AFAP1: variants seen among roughly 807,000 people sequenced by gnomAD.
AFAP1 encodes the protein actin filament-associated protein 1.
AFAP1 carries 75 observed loss-of-function variants against 93.9 expected under a neutral mutation model. The observed-to-expected ratio is 0.80, with a 90% CI of 0.66 to 0.97. AFAP1 has a LOEUF of 0.97. AFAP1 is among the 50% of genes least tolerant of loss of function. AFAP1 has a pLI of 0.00. For missense variants in AFAP1, 1,201 were observed against 1,050.8 expected (o/e 1.14, Z -1.98); for synonymous variants, 517 against 430.7 (o/e 1.20, Z -2.48).
intron 14 of AFAP1, 188 bp downstream of exon 14, chr4:7,778,574 A>G: frequency 1.6e-6 from 1 of 634,290 alleles, no homozygotes; most frequent in South Asian, 1.9e-5. Flanking sequence ...ATTTACAAGC[A>G]GTCAGAAAAG....
rs754933779 is a variant in AFAP1, at chr4:7,816,008, C to G, written c.904+10G>C. 1.2e-6 allele frequency: 2 copies of G among 1,606,180 alleles called. No homozygotes were observed. Among genetic ancestry groups the G allele is most frequent in the East Asian group, 2.2e-5 (1 of 44,828 alleles). ...AGTGTATATATGTTTTTGGCACAAGCAGAACTCACCTTGCTCCTTTCCATT... is the reference window on the plus strand; with the variant it reads ...AGTGTATATATGTTTTTGGCACAAGGAGAACTCACCTTGCTCCTTTCCATT... On this transcript the variant is annotated intron_variant, in intron 8 of 17. Transcript: ENST00000420658.
intron 6 of AFAP1, among the ~76,000 whole-genome samples, chr4:7,833,738 G>A (rs1711914208): frequency 6.6e-6 from 1 of 151,920 alleles, no homozygotes; most frequent in Non-Finnish European, 1.5e-5. Context: ...ACAGGCACGT[G>A]CCACCATGCC....
intron 7 of AFAP1, among the ~76,000 whole-genome samples, chr4:7,818,601 C>G (rs1258041007): frequency 6.6e-6 from 1 of 151,958 alleles, no homozygotes; most frequent in East Asian, 1.9e-4. Context: ...ACATTTCTGG[C>G]AAAAAGGGGT....
chr4:7,901,722 G>T (rs1179167541), intron 1 of AFAP1, among the ~76,000 whole-genome samples: 6 of 152,214 alleles, frequency 3.9e-5, no homozygotes, highest in African/African-American at 1.4e-4. Context: ...GTGGACAGGG[G>T]GCTGAACTGG....
rs545248094 is a variant in AFAP1, at chr4:7,792,166, C to T, written c.1412+1515G>A. Among the ~76,000 whole-genome samples the T allele has an allele frequency of 4.2e-4, 64 of 152,244 alleles. No individual in the cohort carries two copies. The South Asian group carries it at 0.012, about 30-fold the overall frequency. ...TTTCTGAGCTGTAGTGACACTTCTT[C>T]GGGACTACACCAAAACGCAGCAAGT... On this transcript the variant is annotated intron_variant, in intron 11 of 17. Transcript: ENST00000420658.
chr4:7,894,375 T>A (rs1204482426), intron 1 of AFAP1, among the ~76,000 whole-genome samples: 2 of 152,190 alleles, frequency 1.3e-5, no homozygotes, highest in African/African-American at 4.8e-5. Context: ...GTTCTGGGTC[T>A]TTAGGGGACA....
At chr4:7,768,431 G>GT (rs1274133784) in intron 17 of AFAP1, among the ~76,000 whole-genome samples, 1 of 152,172 alleles carries the variant, frequency 6.6e-6, no homozygotes, top group Admixed American at 6.5e-5. Flanking sequence ...AAGGGGCTGG[G>GT]GGAAAGCTTA....
At chr4:7,936,608 G>C (rs1721398337) in intron 1 of AFAP1, among the ~76,000 whole-genome samples, 1 of 146,808 alleles carries the variant, frequency 6.8e-6, no homozygotes, top group African/African-American at 2.5e-5. Context: ...TTGAGATGGA[G>C]TCTCACTCTG....
At chr4:7,853,213 G>A (rs1714661235) in intron 4 of AFAP1, among the ~76,000 whole-genome samples, 3 of 150,584 alleles carry the variant, frequency 2.0e-5, no homozygotes, top group African/African-American at 7.4e-5. Flanking sequence ...ATAGGGCAGA[G>A]GGGAGCAGTG....
At chr4:7,773,124 C>T in intron 15 of AFAP1, 114 bp from the exon 16 acceptor site, 2 of 1,444,034 alleles carry the variant, frequency 1.4e-6, no homozygotes, top group Non-Finnish European at 1.8e-6. Flanking sequence ...GTCGAGCTCC[C>T]CTGACTTAGG....
At chr4:7,771,572 C>T (rs189437329) in intron 16 of AFAP1, among the ~76,000 whole-genome samples, 100 of 152,266 alleles carry the variant, frequency 6.6e-4, no homozygotes, top group African/African-American at 2.3e-3. Context: ...TGAACACAGG[C>T]GCTTCGGTGG....
At chr4:7,882,381 G>C (rs1323841834) in intron 1 of AFAP1, among the ~76,000 whole-genome samples, 2 of 143,068 alleles carry the variant, frequency 1.4e-5, no homozygotes, top group South Asian at 2.2e-4. Flanking sequence ...AAAATACACA[G>C]AACATAACCA....
At chr4:7,857,537 C>T (rs939514933) in intron 3 of AFAP1, among the ~76,000 whole-genome samples, 6 of 152,114 alleles carry the variant, frequency 3.9e-5, no homozygotes, top group African/African-American at 1.2e-4. Flanking sequence ...CTTAGTGTGG[C>T]GTTAGGCTGG....
intron 14 of AFAP1, chr4:7,778,551 G>A: frequency 3.3e-6 from 2 of 611,848 alleles, no homozygotes; most frequent in Non-Finnish European, 5.8e-6. Context: ...TGGCAAACCA[G>A]TTCTGGGCTT....
At chr4:7,815,920 C>T (rs1720427207) in intron 8 of AFAP1, 98 bp downstream of exon 8, 1 of 1,074,978 alleles carries the variant, frequency 9.3e-7, no homozygotes, top group Non-Finnish European at 1.3e-6. Flanking sequence ...TCACCCAGGA[C>T]ATTTTTCGTA....
intron 1 of AFAP1, among the ~76,000 whole-genome samples, chr4:7,933,129 G>T (rs1036958658): frequency 3.3e-5 from 5 of 151,888 alleles, no homozygotes; most frequent in African/African-American, 1.2e-4. Context: ...CCAGGCTGCT[G>T]TAGTAAGTGG....
chr4:7,839,117 T>C (rs932356820), intron 5 of AFAP1, among the ~76,000 whole-genome samples: 4 of 152,308 alleles, frequency 2.6e-5, no homozygotes, highest in Non-Finnish European at 5.9e-5. Context: ...GGTGGATCAC[T>C]TGAGCCCAGG....
chr4:7,763,235 C>G lies in AFAP1; in HGVS notation c.*530G>C, dbSNP rs1714063982. 2 of 153,206 alleles carry G rather than the reference C, an allele frequency of 1.3e-5. No homozygotes were observed. The highest frequency in any genetic ancestry group is 4.8e-5 in the African/African-American group (2 of 41,456). The allele number at this position is 153,206 out of a possible 1,614,324, so 9.5% of individuals were successfully genotyped here. ...TACCTCTGATGACGAGGGGGACGGGCACGTGGAGAGGGTACGCCAAGACAC... is the reference window on the plus strand; with the variant it reads ...TACCTCTGATGACGAGGGGGACGGGGACGTGGAGAGGGTACGCCAAGACAC... On this transcript the variant is annotated 3_prime_UTR_variant, in exon 18 of 18. Coordinates refer to ENST00000420658, the MANE Select transcript of AFAP1 (RefSeq NM_001134647.2).
intron 3 of AFAP1, among the ~76,000 whole-genome samples, chr4:7,864,164 C>CGCATTCCCAACTT (rs1314891559): frequency 7.9e-5 from 12 of 151,900 alleles, no homozygotes; most frequent in South Asian, 2.1e-4. Flanking sequence ...CTCATCACAA[C>CGCATTCCCAACTT]CCACAGGTCC....
Sources: gnomAD v4.1 joint callset for allele counts (sites outside exome capture counted in the v4.1 genomes callset) on GRCh38, gnomAD v4.1.1 for gene constraint, MANE v1.5 for transcripts, NCBI Gene and HGNC (gene_info 2026-07-23, HGNC 2026-07-21) for gene names.